The following FAM210A variants were observed in gnomAD, a reference collection of about 807,000 sequenced individuals.
The protein encoded by FAM210A is family with sequence similarity 210 member A.
FAM210A carries 13 observed loss-of-function variants against 25.3 expected under a neutral mutation model. The ratio of observed to expected loss-of-function variants is 0.51; its 90% CI spans 0.33 to 0.82. The LOEUF (loss-of-function observed/expected upper bound fraction) is 0.82. Ranked by LOEUF, FAM210A falls within the 40% of genes least tolerant of loss-of-function variation. The probability of loss-of-function intolerance (pLI) is 0.02; values close to 1 mark genes in which losing one functional copy is unlikely to be tolerated. For missense variants in FAM210A, 319 were observed against 323.2 expected, an observed-to-expected ratio of 0.99 and a Z score of 0.10; for synonymous variants, 125 against 118.7, an observed-to-expected ratio of 1.05 and a Z score of -0.35.
intron 1 of FAM210A, among the ~76,000 whole-genome samples, chr18:13,722,333 C>T (rs1375823496): frequency 6.6e-6 from 1 of 151,342 alleles, no homozygotes; most frequent in Non-Finnish European, 1.5e-5. Flanking sequence ...AGCTAAGGAC[C>T]CCCAGTCAGT....
chr18:13,693,218 T>G (rs148945045), intron 1 of FAM210A, among the ~76,000 whole-genome samples: 1 of 152,184 alleles, frequency 6.6e-6, no homozygotes, highest in Admixed American at 6.5e-5. Flanking sequence ...AATCCCTGAA[T>G]AGACCAATAA....
chr18:13,720,666 T>C (rs1225369224), intron 1 of FAM210A, among the ~76,000 whole-genome samples: 1 of 152,182 alleles, frequency 6.6e-6, no homozygotes, highest in East Asian at 1.9e-4. Context: ...GCCAGTATGA[T>C]GTTTTGTGGA....
chr18:13,671,783 TA>T, intron 3 of FAM210A, 78 bp downstream of exon 3: 2 of 817,978 alleles, frequency 2.4e-6, no homozygotes, highest in Non-Finnish European at 4.1e-6. Context: ...AATTGGAAGC[TA>T]ACATGGAATC....
At chr18:13,692,803 T>TAAA (rs1263990387) in intron 1 of FAM210A, among the ~76,000 whole-genome samples, 1 of 152,130 alleles carries the variant, frequency 6.6e-6, no homozygotes, top group African/African-American at 2.4e-5. Flanking sequence ...AGGAAAGATC[T>TAAA]AAAATTGACA....
At chr18:13,715,908 C>T (rs1047044449) in intron 1 of FAM210A, among the ~76,000 whole-genome samples, 4 of 152,110 alleles carry the variant, frequency 2.6e-5, no homozygotes, top group Non-Finnish European at 4.4e-5. Flanking sequence ...AATGCTTACA[C>T]AAAAACTTTA....
At chr18:13,672,987 C>A (rs1436205520) in intron 2 of FAM210A, among the ~76,000 whole-genome samples, 3 of 152,186 alleles carry the variant, frequency 2.0e-5, no homozygotes, top group African/African-American at 7.2e-5. Flanking sequence ...TATTAACATT[C>A]CTGAGACCCG....
At chr18:13,683,630 G>T in intron 1 of FAM210A, among the ~76,000 whole-genome samples, 1 of 148,920 alleles carries the variant, frequency 6.7e-6, no homozygotes, top group African/African-American at 2.5e-5. Flanking sequence ...CTAGACAAAG[G>T]TTCTCCCAGT....
At chr18:13,671,337 T>G (rs1012209140) in intron 3 of FAM210A, among the ~76,000 whole-genome samples, 2 of 152,000 alleles carry the variant, frequency 1.3e-5, no homozygotes, top group Non-Finnish European at 2.9e-5. Context: ...TGCTAACAAA[T>G]CAGGTGGCAT....
chr18:13,686,961 G>T (rs1175185972), intron 1 of FAM210A, among the ~76,000 whole-genome samples: 2 of 152,012 alleles, frequency 1.3e-5, no homozygotes, highest in African/African-American at 4.8e-5. Flanking sequence ...ATCCAAGAAA[G>T]GAAAACTACA....
At chr18:13,691,463 C>T (rs1025108185) in intron 1 of FAM210A, among the ~76,000 whole-genome samples, 1 of 151,986 alleles carries the variant, frequency 6.6e-6, no homozygotes, top group African/African-American at 2.4e-5. Context: ...GTCAGATTCG[C>T]CAAAGTTGAA....
chr18:13,672,447 T>C (rs947793342), intron 2 of FAM210A, among the ~76,000 whole-genome samples: 1 of 152,206 alleles, frequency 6.6e-6, no homozygotes, highest in Non-Finnish European at 1.5e-5. Context: ...TCTTGTTCTG[T>C]TGCCAGGCTG....
At chr18:13,695,975 TA>T (rs1253039517) in intron 1 of FAM210A, among the ~76,000 whole-genome samples, 1 of 152,072 alleles carries the variant, frequency 6.6e-6, no homozygotes, top group African/African-American at 2.4e-5. Flanking sequence ...AATTTGAAGT[TA>T]AAAAATACCA....
chr18:13,692,337 T>A (rs1413612726), intron 1 of FAM210A, among the ~76,000 whole-genome samples: 1 of 152,122 alleles, frequency 6.6e-6, no homozygotes, highest in Non-Finnish European at 1.5e-5. Context: ...ATTAGACAGA[T>A]CAATGAGACA....
chr18:13,685,101 A>G (rs893018073), intron 1 of FAM210A, among the ~76,000 whole-genome samples: 95 of 152,276 alleles, frequency 6.2e-4, no homozygotes, highest in African/African-American at 2.2e-3. Flanking sequence ...CCAAATTCCT[A>G]TCTAAGGGGT....
At chr18:13,687,135 C>CAACTTAA (rs1401262160) in intron 1 of FAM210A, among the ~76,000 whole-genome samples, 4 of 152,178 alleles carry the variant, frequency 2.6e-5, no homozygotes, top group Non-Finnish European at 4.4e-5. Flanking sequence ...ATTTAAGAAT[C>CAACTTAA]AGCTGGGAAT....
chr18:13,666,858 T>C, intron 3 of FAM210A, 145 bp from the exon 4 acceptor site: 1 of 682,208 alleles, frequency 1.5e-6, no homozygotes, highest in Middle Eastern at 2.7e-4. Flanking sequence ...AGTAATATCC[T>C]ATATGGTTTT....
intron 1 of FAM210A, among the ~76,000 whole-genome samples, chr18:13,695,025 A>AAAAC (rs2043680206): frequency 6.6e-6 from 1 of 151,902 alleles, no homozygotes; most frequent in Admixed American, 6.6e-5. Flanking sequence ...TTACAAGAAA[A>AAAAC]AATCAACCCC....
chr18:13,724,434 C>T (rs140335852), intron 1 of FAM210A, among the ~76,000 whole-genome samples: 5 of 152,260 alleles, frequency 3.3e-5, no homozygotes, highest in East Asian at 1.9e-4. Flanking sequence ...CCACTGGGTT[C>T]GGTTAGAATT....
At chr18:13,681,175 G>A (rs2043550036) in intron 2 of FAM210A, among the ~76,000 whole-genome samples, 1 of 152,184 alleles carries the variant, frequency 6.6e-6, no homozygotes, top group African/African-American at 2.4e-5. Flanking sequence ...TTTTATGTCT[G>A]TGCTTTCCTG....
Sources: gnomAD v4.1 joint callset for allele counts (sites outside exome capture counted in the v4.1 genomes callset) on GRCh38, gnomAD v4.1.1 for gene constraint, MANE v1.5 for transcripts, NCBI Gene and HGNC (gene_info 2026-07-23, HGNC 2026-07-21) for gene names.